The following EFCAB7 variants were observed in gnomAD, a reference collection of about 807,000 sequenced individuals.
EFCAB7 encodes EF-hand calcium-binding domain-containing protein 7.
Under a neutral mutation model 77.1 loss-of-function variants are expected in EFCAB7, and 66 were observed. The observed-to-expected ratio is 0.86, with a 90% confidence interval of 0.70 to 1.05. The LOEUF is 1.05. EFCAB7 is among the 50% of genes least tolerant of loss of function. The pLI, the probability that EFCAB7 is intolerant of heterozygous loss-of-function variation, is 0.00. For synonymous variants in EFCAB7, 225 were observed against 243.3 expected, an observed-to-expected ratio of 0.92 and a Z score of 0.70; for missense variants, 638 against 730.5, an observed-to-expected ratio of 0.87 and a Z score of 1.46.
intron 7 of EFCAB7, chr1:63,550,670 G>A (rs562995717): frequency 6.6e-6 from 1 of 151,918 alleles, no homozygotes; most frequent in African/African-American, 2.4e-5. Context: ...GGAAGGATAC[G>A]CAGGAGAAAG....
chr1:63,576,480 A>G (rs1023385824), downstream of EFCAB7, among the ~76,000 whole-genome samples: 1 of 151,402 alleles, frequency 6.6e-6, no homozygotes, highest in African/African-American at 2.4e-5. Context: ...GACTGTCTCA[A>G]AAACAACAAC....
rs1403207817 is a variant in EFCAB7, at chr1:63,525,213, GA to G, written c.-1-358del. 3.3e-5 allele frequency among the ~76,000 whole-genome samples: 5 copies of G among 152,206 alleles called. No individual in the cohort carries two copies. In the East Asian group the frequency reaches 9.7e-4, roughly 29 times the overall value. On this transcript the variant is annotated intron_variant, in intron 1 of 13. Transcript: ENST00000371088. ...CTGTCATCTGACTTTCGTATTTTGA[GA>G]GAATAGATGTGTGCTCTTCCTTTGT... is the stretch of plus-strand genomic sequence containing the variant.
At chr1:63,540,259 G>T (rs1246609762) in intron 6 of EFCAB7, among the ~76,000 whole-genome samples, 2 of 151,472 alleles carry the variant, frequency 1.3e-5, no homozygotes, top group African/African-American at 2.4e-5. Context: ...AGCTACTCGG[G>T]AGGCTGAGGC....
At position 63,532,013 on chromosome 1, in the gene EFCAB7, T is replaced by G; in HGVS notation, c.381T>G (p.Leu127=). The change falls in exon 3 of 14, where the codon CTT becomes CTG. Residue 127 remains leucine, a synonymous_variant. Coordinates refer to ENST00000371088, the MANE Select transcript of EFCAB7 (RefSeq NM_032437.4). ...ATGGCTGTATTTTACACACTGACCT[T>G]TATAAATTTCTAACAAAGGTAAGAT... is the stretch of plus-strand genomic sequence containing the variant. ...NDDGCILHTD[L]YKFLTKRGEK... 1.2e-6 allele frequency: 2 copies of G among 1,608,924 alleles called. No homozygotes were observed. The highest frequency in any genetic ancestry group is 1.7e-6 in the Non-Finnish European group (2 of 1,177,218).
chr1:63,581,517 A>T, the EFCAB7 span, among the ~76,000 whole-genome samples: 3 of 152,074 alleles, frequency 2.0e-5, no homozygotes, highest in Admixed American at 1.3e-4. Flanking sequence ...CTGATCTGAA[A>T]CCTGACTGAT....
chr1:63,570,511 T>G (rs371509802), intron 12 of EFCAB7: 1 of 152,302 alleles, frequency 6.6e-6, no homozygotes, highest in Admixed American at 6.5e-5. Context: ...TCCCCTAGAG[T>G]GTGAGCTAGG....
At chr1:63,555,271 C>T in intron 8 of EFCAB7, 87 bp from the exon 9 acceptor site, 7 of 1,360,716 alleles carry the variant, frequency 5.1e-6, no homozygotes, top group Admixed American at 4.6e-5. Context: ...CTAATGTGTC[C>T]CTTTCAGAAG....
chr1:63,538,615 G>A (rs1646792046), intron 6 of EFCAB7, among the ~76,000 whole-genome samples: 1 of 152,026 alleles, frequency 6.6e-6, no homozygotes, highest in Admixed American at 6.6e-5. Flanking sequence ...CACCACGCTG[G>A]CTAATTTTTG....
intron 6 of EFCAB7, among the ~76,000 whole-genome samples, chr1:63,544,052 C>CT (rs1646864445): frequency 6.6e-6 from 1 of 150,840 alleles, no homozygotes; most frequent in African/African-American, 2.4e-5. Context: ...TCACTGCAAC[C>CT]TCCATCTCCC....
downstream of EFCAB7, among the ~76,000 whole-genome samples, chr1:63,575,758 A>ATT (rs112185781): frequency 0.057 from 8,504 of 147,934 alleles, 798 homozygotes; most frequent in African/African-American, 0.2. Context: ...TCGTTTTCAT[A>ATT]TTTTTTTTTT....
downstream of EFCAB7, among the ~76,000 whole-genome samples, chr1:63,575,303 C>CT (rs919483642): frequency 1.3e-5 from 2 of 151,438 alleles, no homozygotes; most frequent in East Asian, 1.9e-4. Flanking sequence ...TTGGGGTAGA[C>CT]TTTTTTTTAA....
chr1:63,563,954 T>C (rs1647140930), intron 11 of EFCAB7, among the ~76,000 whole-genome samples: 1 of 152,156 alleles, frequency 6.6e-6, no homozygotes, highest in South Asian at 2.1e-4. Flanking sequence ...ATGTTTAGTT[T>C]TGCCCCCCTT....
intron 2 of EFCAB7, 138 bp from the exon 3 acceptor site, chr1:63,531,682 G>C (rs958745468): frequency 5.2e-6 from 4 of 770,052 alleles, no homozygotes; most frequent in Non-Finnish European, 4.2e-6. Flanking sequence ...CACTAGATAA[G>C]TCAACACCAA....
In EFCAB7 at chr1:63,549,388, T is replaced by C. The variant is rs772333019; in HGVS notation, c.947-2337T>C. On this transcript the variant is annotated intron_variant, in intron 7 of 13. Coordinates refer to ENST00000371088, the MANE Select transcript of EFCAB7 (RefSeq NM_032437.4). Reference sequence around the variant, plus strand: ...CTTTTACCAAGGTTTCTTTTTTAGTTGATGCCAAAGAGTTCCAATATTGAA... The same window carrying C: ...CTTTTACCAAGGTTTCTTTTTTAGTCGATGCCAAAGAGTTCCAATATTGAA... 43 of 470,214 alleles carry C rather than the reference T, an allele frequency of 9.1e-5. No individual in the cohort carries two copies. The Middle Eastern group carries it at 9.7e-4, about 11-fold the overall frequency. 29.1% of individuals were successfully genotyped at this position (470,214 alleles called of 1,614,324 possible). A position where few individuals can be genotyped will look rare whatever the true frequency, so the allele number is the denominator to read the frequency against.
chr1:63,546,186 T>C, intron 7 of EFCAB7, 129 bp downstream of exon 7: 1 of 1,030,558 alleles, frequency 9.7e-7, no homozygotes, highest in Non-Finnish European at 1.4e-6. Flanking sequence ...TATGGTTACA[T>C]TTCAAGAAAG....
At chr1:63,547,794 T>C (rs1354321509) in intron 7 of EFCAB7, 1 of 152,220 alleles carries the variant, frequency 6.6e-6, no homozygotes, top group African/African-American at 2.4e-5. Flanking sequence ...CTGGGACAAC[T>C]TGACTCAGCC....
the EFCAB7 span, among the ~76,000 whole-genome samples, chr1:63,578,939 C>T: frequency 6.6e-6 from 1 of 152,134 alleles, no homozygotes. Context: ...CCTCATCCTT[C>T]ATGAAACCTT....
downstream of EFCAB7, among the ~76,000 whole-genome samples, chr1:63,575,332 A>G (rs1260949165): frequency 6.6e-6 from 1 of 152,016 alleles, no homozygotes; most frequent in Non-Finnish European, 1.5e-5. Flanking sequence ...GTGGCCTTTT[A>G]AAATCTTTTT....
At chr1:63,569,791 A>G (rs1483716001) in intron 12 of EFCAB7, 1 of 152,226 alleles carries the variant, frequency 6.6e-6, no homozygotes, top group East Asian at 1.9e-4. Flanking sequence ...GTCCCCACCT[A>G]GTAGATTGCA....
Sources: gnomAD v4.1 joint callset for allele counts (sites outside exome capture counted in the v4.1 genomes callset) on GRCh38, gnomAD v4.1.1 for gene constraint, MANE v1.5 for transcripts, NCBI Gene and HGNC (gene_info 2026-07-23, HGNC 2026-07-21) for gene names.